Variants in ENAM observed in about 807,000 individuals in gnomAD.
ENAM encodes the protein amelogenesis imperfecta 2, hypocalcification (autosomal dominant).
Under a neutral mutation model 33.6 loss-of-function variants are expected in ENAM, and 21 were observed. That is an observed-to-expected ratio of 0.63 (90% CI 0.44 to 0.90). The LOEUF (loss-of-function observed/expected upper bound fraction) is 0.90, where lower values mean the gene tolerates loss of function less well. Ranked by LOEUF, ENAM falls within the 40% of genes least tolerant of loss-of-function variation. The pLI is 0.00. For missense variants in ENAM, 1,388 were observed against 1,366.9 expected (o/e 1.02, Z -0.24); for synonymous variants, 473 against 468.4 (o/e 1.01, Z -0.13).
At position 70,643,461 on chromosome 4, in the gene ENAM, G is replaced by A. The variant is rs143169932; in HGVS notation, c.2035G>A (p.Gly679Arg). The change falls in exon 9 of 9, where the codon GGA (glycine) becomes AGA (arginine). Residue 679 changes from glycine to arginine, a missense_variant. Transcript: ENST00000396073. ...ATGGGGTGAAGAGTTGAGCTTCAAA[G>A]GAGGCCCAACAGTTAGGCACTATGA... is the stretch of plus-strand genomic sequence containing the variant. ...NRWGEELSFK[G>R]GPTVRHYEGE... 9 of 1,613,952 alleles carry A rather than the reference G, an allele frequency of 5.6e-6. No individual in the cohort carries two copies. Among genetic ancestry groups the A allele is most frequent in the Non-Finnish European group, 6.8e-6 (8 of 1,179,982 alleles).
intron 8 of ENAM, among the ~76,000 whole-genome samples, 179 bp downstream of exon 8, chr4:70,638,022 T>C (rs1428937025): frequency 6.6e-6 from 1 of 152,190 alleles, no homozygotes; most frequent in African/African-American, 2.4e-5. Context: ...AGATTGATGG[T>C]GGACTCCAGA....
chr4:70,638,449 CTTTTTTTTTT>C (rs766513652), intron 8 of ENAM, among the ~76,000 whole-genome samples: 1,877 of 58,882 alleles, frequency 0.032, 41 homozygotes, highest in Middle Eastern at 0.087. Flanking sequence ...ACAGATTGTT[CTTTTTTTTTT>C]TTTTTTTTTT....
chr4:70,645,239 G>GCCGACCACC lies in ENAM; in HGVS notation c.*384_*385insCCGACCACC. On this transcript the variant is annotated 3_prime_UTR_variant, in exon 9 of 9. Coordinates refer to ENST00000396073, the MANE Select transcript of ENAM (RefSeq NM_031889.3). ...CAGATTAACTTTCCATTCTACTTATGGAGATCCACACATCAGTATAGTCCT... is the reference window on the plus strand; with the variant it reads ...CAGATTAACTTTCCATTCTACTTATGCCGACCACCGAGATCCACACATCAGTATAGTCCT... 3.5e-6 allele frequency: 1 copy of GCCGACCACC among 283,034 alleles called. No individual in the cohort carries two copies. The highest frequency in any genetic ancestry group is 8.0e-5 in the South Asian group (1 of 12,490). 17.5% of individuals were successfully genotyped at this position (283,034 alleles called of 1,614,324 possible).
Position 70,644,046 on chromosome 4 carries a change from T to C in ENAM, c.2620T>C (p.Cys874Arg), listed in dbSNP as rs941231057. 4.3e-6 allele frequency: 7 copies of C among 1,613,956 alleles called. No homozygotes were observed. The Admixed American group carries it at 1.0e-4, about 23-fold the overall frequency. The part of the protein sequence containing the change: ...HLFHLSQRGS[C>R]CAGSSTGPKD... ...ATTTCACCTAAGCCAGAGAGGCTCT[T>C]GCTGTGCTGGTAGCTCCACAGGGCC... The change falls in exon 9 of 9, where the codon TGC (cysteine) becomes CGC (arginine). Residue 874 changes from cysteine to arginine, a missense_variant. Physicochemically the swap from Cys to Arg is radical, Grantham distance 180. Transcript: ENST00000396073.
At chr4:70,633,852 T>A (rs1738383683) in intron 5 of ENAM, among the ~76,000 whole-genome samples, 1 of 152,208 alleles carries the variant, frequency 6.6e-6, no homozygotes, top group Non-Finnish European at 1.5e-5. Flanking sequence ...TGAATTTTTA[T>A]CCTCTCTTTT....
chr4:70,644,714 G>A lies in ENAM; in HGVS notation c.3288G>A (p.Leu1096=), dbSNP rs771589137. 3 of 1,613,978 alleles carry A rather than the reference G, an allele frequency of 1.9e-6. No individual in the cohort carries two copies. In the East Asian group the frequency reaches 6.7e-5, roughly 36 times the overall value. Residue 1096 remains leucine (L), a synonymous_variant, in exon 9 of 9, where the codon TTG becomes TTA. Transcript: ENST00000396073. ...SITPTENPNT[L]VELATEEQFK... The stretch of plus-strand genomic sequence containing the variant: ...CGCCTACTGAAAATCCTAACACATT[G>A]GTTGAGTTAGCTACTGAGGAACAAT...
chr4:70,643,359 CAGA>C lies in ENAM; in HGVS notation c.1936_1938del (p.Lys646del). 6.2e-7 allele frequency: 1 copy of C among 1,613,980 alleles called. No individual in the cohort carries two copies. Among genetic ancestry groups the C allele is most frequent in the Non-Finnish European group, 8.5e-7 (1 of 1,179,938 alleles). ...ACTCTACCCCATAAATACCCCAGAC[CAGA>C]AGGAGATAGTCCCTTATAATGAAGA... On this transcript the variant is annotated inframe_deletion, in exon 9 of 9. Transcript: ENST00000396073.
At chr4:70,632,518 A>C (rs775336983) in intron 4 of ENAM, 133 bp from the exon 5 acceptor site, 44 of 775,376 alleles carry the variant, frequency 5.7e-5, no homozygotes, top group Non-Finnish European at 9.7e-5. Flanking sequence ...ACTGTTGTGC[A>C]TTAAAATCAG....
chr4:70,636,773 A>G (rs1187188238), intron 7 of ENAM, among the ~76,000 whole-genome samples: 3 of 152,160 alleles, frequency 2.0e-5, no homozygotes, highest in African/African-American at 7.2e-5. Flanking sequence ...CGTCTCAAAA[A>G]AAAAAAAAAG....
Position 70,631,718 on chromosome 4 carries a change from G to A in ENAM, c.103G>A (p.Gly35Ser). 1 of 1,613,462 alleles carries A rather than the reference G, an allele frequency of 6.2e-7. No homozygotes were observed. Among genetic ancestry groups the A allele is most frequent in the Non-Finnish European group, 8.5e-7 (1 of 1,179,396 alleles). The change falls in exon 3 of 9, where the codon GGT becomes AGT. Residue 35 changes from glycine (G) to serine (S), a missense_variant. Coordinates refer to ENST00000396073, the MANE Select transcript of ENAM (RefSeq NM_031889.3). Reference sequence around the variant, plus strand: ...TCTCCTGGTCTTTCTAGGGCTTCTTGGTAATTCTGTTGCTATGCCAGTGAG... The same window carrying A: ...TCTCCTGGTCTTTCTAGGGCTTCTTAGTAATTCTGTTGCTATGCCAGTGAG... ...KILLVFLGLLGNSVAMPMHMP... is the reference protein window; with the variant it reads ...KILLVFLGLLSNSVAMPMHMP...
rs145361338 is a variant in ENAM, at chr4:70,643,082, C to G, written c.1656C>G (p.Ile552Met). ...AGCCTGCTGTATACCCTGAGGAAAT[C>G]CCTTCTCCTGCAAAAGAACATTTTC... ...SYQPAVYPEE[I>M]PSPAKEHFPA... Residue 552 changes from isoleucine (I) to methionine (M), a missense_variant, in exon 9 of 9, where the codon ATC becomes ATG. Ile to Met is a conservative substitution (Grantham distance 10). Transcript: ENST00000396073. The G allele has an allele frequency of 2.2e-4, 354 of 1,613,940 alleles. 2 individuals carry two copies. The highest frequency in any genetic ancestry group is 1.7e-3 in the South Asian group (156 of 91,060).
At position 70,634,328 on chromosome 4, in the gene ENAM, C is replaced by G. The variant is rs1267187226; in HGVS notation, c.231C>G (p.Phe77Leu). 6.2e-7 allele frequency: 1 copy of G among 1,613,964 alleles called. No homozygotes were observed. Among genetic ancestry groups the G allele is most frequent in the African/African-American group, 1.3e-5 (1 of 74,918 alleles). Residue 77 changes from phenylalanine (F) to leucine (L), a missense_variant, in exon 6 of 9, where the codon TTC (phenylalanine) becomes TTG (leucine). Coordinates refer to ENST00000396073, the MANE Select transcript of ENAM (RefSeq NM_031889.3). ...TTCAGATGGCACACCTGGGGCCCTTCTTTGGAAACGGTCTCCCTCAGCAAT... is the reference window on the plus strand; with the variant it reads ...TTCAGATGGCACACCTGGGGCCCTTGTTTGGAAACGGTCTCCCTCAGCAAT... ...NGPHMAHLGP[F>L]FGNGLPQQFP...
chr4:70,635,948 A>T, intron 7 of ENAM, 54 bp downstream of exon 7: 1 of 922,158 alleles, frequency 1.1e-6, no homozygotes. Flanking sequence ...TTAGTATGTT[A>T]TAATTTAAAT....
rs1338560924 is a variant in ENAM, at chr4:70,641,998, C to T, written c.589-17C>T. 1 of 1,599,438 alleles carries T rather than the reference C, an allele frequency of 6.3e-7. No individual in the cohort carries two copies. Reference sequence around the variant, plus strand: ...GAAACAAAGGGCAATTATTGATTTCCATTTTCTTTCCTACAGAATCCTTAC... The same window carrying T: ...GAAACAAAGGGCAATTATTGATTTCTATTTTCTTTCCTACAGAATCCTTAC... On this transcript the variant is annotated splice_polypyrimidine_tract_variant and intron_variant, in intron 8 of 8. Transcript: ENST00000396073.
chr4:70,631,928 A>C lies in ENAM; in HGVS notation c.168+35A>C, dbSNP rs184414708. ...TTCAGTCTCAGAGGAGAAGTTATCC[A>C]GAGTCCTATCCTACACATTTACTAA... is the stretch of plus-strand genomic sequence containing the variant. On this transcript the variant is annotated intron_variant, in intron 4 of 8. Coordinates refer to ENST00000396073, the MANE Select transcript of ENAM (RefSeq NM_031889.3). 2.9e-3 allele frequency: 4,512 copies of C among 1,551,252 alleles called. 13 individuals carry two copies. Among genetic ancestry groups the C allele is most frequent in the Non-Finnish European group, 2.9e-3 (3,229 of 1,122,762 alleles).
chr4:70,632,368 T>C (rs1378646717), intron 4 of ENAM, among the ~76,000 whole-genome samples: 2 of 152,132 alleles, frequency 1.3e-5, no homozygotes, highest in Non-Finnish European at 2.9e-5. Context: ...AACTTTACAG[T>C]AGATCAGACT....
At chr4:70,631,980 A>G (rs1738336377) in intron 4 of ENAM, 87 bp downstream of exon 4, 1 of 1,138,536 alleles carries the variant, frequency 8.8e-7, no homozygotes, top group African/African-American at 1.5e-5. Flanking sequence ...AAATTGTCTC[A>G]TATATAATAT....
rs750656744 is a variant in ENAM at position 70,642,060 on chromosome 4, C to T, written c.634C>T (p.Pro212Ser). 1.9e-6 allele frequency: 3 copies of T among 1,613,972 alleles called. No homozygotes were observed. Among genetic ancestry groups the T allele is most frequent in the South Asian group, 2.2e-5 (2 of 91,064 alleles). ...YFGYHGFGGR[P>S]PYYSEEMFEQ... Reference sequence around the variant, plus strand: ...TGGATATCATGGCTTTGGGGGTCGCCCTCCTTATTATTCAGAAGAAATGTT... The same window carrying T: ...TGGATATCATGGCTTTGGGGGTCGCTCTCCTTATTATTCAGAAGAAATGTT... Residue 212 changes from proline (P) to serine (S), a missense_variant, in exon 9 of 9, where the codon CCT becomes TCT. Physicochemically the swap from Pro to Ser is moderately conservative, Grantham distance 74. Coordinates refer to ENST00000396073, the MANE Select transcript of ENAM (RefSeq NM_031889.3).
chr4:70,643,599 G>T lies in ENAM; in HGVS notation c.2173G>T (p.Asp725Tyr), dbSNP rs963370728. Residue 725 changes from aspartate (D) to tyrosine (Y), a missense_variant, in exon 9 of 9, where the codon GAT (aspartate) becomes TAT (tyrosine). Asp to Tyr is a radical substitution (Grantham distance 160). Coordinates refer to ENST00000396073, the MANE Select transcript of ENAM (RefSeq NM_031889.3). ...CAGTGAATTTTACCCATGGAGCCCG[G>T]ATGAGAATTTTCCATCATATAATAC... ...YYSEFYPWSP[D>Y]ENFPSYNTAS... 8.7e-6 allele frequency: 14 copies of T among 1,613,920 alleles called. No homozygotes were observed. Among genetic ancestry groups the T allele is most frequent in the Non-Finnish European group, 1.2e-5 (14 of 1,180,018 alleles).
Sources: allele counts gnomAD v4.1 joint callset (sites outside exome capture counted in the v4.1 genomes callset), GRCh38; gene constraint gnomAD v4.1.1; transcripts MANE v1.5; gene names NCBI Gene and HGNC (gene_info 2026-07-23, HGNC 2026-07-21).